Variants in SPIDR observed in about 807,000 individuals in gnomAD.
SPIDR encodes scaffold protein involved in DNA repair.
Under a neutral mutation model 104.6 loss-of-function variants are expected in SPIDR, and 93 were observed. The observed-to-expected ratio is 0.89, with a 90% CI of 0.75 to 1.06. The LOEUF is 1.06. SPIDR is among the 50% of genes least tolerant of loss of function. The pLI is 0.00. For synonymous variants in SPIDR, 431 were observed against 416.9 expected (o/e 1.03, Z -0.41); for missense variants, 1,154 against 1,111.2 (o/e 1.04, Z -0.55).
chr8:47,380,249 G>C (rs1554644681), intron 5 of SPIDR, among the ~76,000 whole-genome samples: 1 of 152,212 alleles, frequency 6.6e-6, no homozygotes, highest in Non-Finnish European at 1.5e-5. Flanking sequence ...CCTTGCAGCA[G>C]CTCAGGACTC....
chr8:47,486,664 C>G (rs1483352507), intron 8 of SPIDR, among the ~76,000 whole-genome samples: 1 of 152,184 alleles, frequency 6.6e-6, no homozygotes, highest in Non-Finnish European at 1.5e-5. Context: ...GGCAGACACT[C>G]CGCAAGCCAG....
chr8:47,270,172 A>G (rs1005997720), intron 1 of SPIDR, among the ~76,000 whole-genome samples: 6 of 152,272 alleles, frequency 3.9e-5, no homozygotes, highest in East Asian at 1.9e-4. Context: ...ATTAGGAAGT[A>G]TTTCCTCTTC....
chr8:47,728,826 G>A lies in SPIDR; in HGVS notation c.2436-107G>A, dbSNP rs145680112. ...AACTTGATTCTGAGAGTAAAGCCCC[G>A]TTTTCTAGCTCAGCAGACACTCATG... On this transcript the variant is annotated intron_variant, in intron 17 of 19. Transcript: ENST00000297423. The A allele has an allele frequency of 1.6e-5, 21 of 1,349,166 alleles. No individual in the cohort carries two copies. In the East Asian group the frequency reaches 1.9e-4, roughly 12 times the overall value. The allele number at this position is 1,349,166 out of a possible 1,614,324, so 83.6% of individuals were successfully genotyped here. A position where few individuals can be genotyped will look rare whatever the true frequency, so the allele number is the denominator to read the frequency against.
In SPIDR at chr8:47,486,321, C is replaced by G. The variant is rs148405041; in HGVS notation, c.1097+45779C>G. On this transcript the variant is annotated intron_variant, in intron 8 of 19. Coordinates refer to ENST00000297423, the MANE Select transcript of SPIDR (RefSeq NM_001080394.4). Reference sequence around the variant, plus strand: ...TTAGAGAAAAAAGAGCAAAAAGAAGCAAACAAAGCCTCCAAGAAATATGGG... The same window carrying G: ...TTAGAGAAAAAAGAGCAAAAAGAAGGAAACAAAGCCTCCAAGAAATATGGG... Among the ~76,000 whole-genome samples the G allele has an allele frequency of 1.7e-3, 264 of 152,186 alleles. 1 individual carries two copies. The highest frequency in any genetic ancestry group is 6.0e-3 in the African/African-American group (250 of 41,524).
At chr8:47,546,104 G>GT (rs1564289470) in intron 8 of SPIDR, among the ~76,000 whole-genome samples, 1 of 151,992 alleles carries the variant, frequency 6.6e-6, no homozygotes, top group African/African-American at 2.4e-5. Flanking sequence ...TGATACCAGC[G>GT]TAATTCTAGG....
chr8:47,637,700 C>A (rs763744702), intron 10 of SPIDR, among the ~76,000 whole-genome samples: 3 of 152,180 alleles, frequency 2.0e-5, no homozygotes, highest in Non-Finnish European at 4.4e-5. Flanking sequence ...ATGTCGTATC[C>A]AGTGTACACT....
intron 5 of SPIDR, among the ~76,000 whole-genome samples, chr8:47,358,921 G>T (rs534948799): frequency 6.6e-6 from 1 of 152,050 alleles, no homozygotes; most frequent in South Asian, 2.1e-4. Flanking sequence ...AATAACCTGT[G>T]ATCACATAAA....
At chr8:47,606,444 T>C (rs2062957449) in intron 10 of SPIDR, among the ~76,000 whole-genome samples, 1 of 151,778 alleles carries the variant, frequency 6.6e-6, no homozygotes, top group Non-Finnish European at 1.5e-5. Context: ...GAGAATGGCG[T>C]GAACCCAGGA....
rs1168027782 is a variant in SPIDR, at chr8:47,321,438, TAAAAG to T, written c.525+27410_525+27414del. On this transcript the variant is annotated intron_variant, in intron 5 of 19. Transcript: ENST00000297423. ...AACTACAAACCACTGCTCAATGAAA[TAAAAG>T]AGGATACAAACAAACAGAAGAACAT... Among the ~76,000 whole-genome samples the T allele has an allele frequency of 3.9e-5, 6 of 152,020 alleles. No homozygotes were observed. The East Asian group carries it at 1.2e-3, about 29-fold the overall frequency.
Position 47,360,862 on chromosome 8 carries a change from A to G in SPIDR, c.526-35514A>G, listed in dbSNP as rs1437828425. 4 of 985,294 alleles carry G rather than the reference A, an allele frequency of 4.1e-6. No individual in the cohort carries two copies. The East Asian group carries it at 4.5e-4, about 112-fold the overall frequency. 61.0% of individuals were successfully genotyped at this position (985,294 alleles called of 1,614,324 possible). A position where few individuals can be genotyped will look rare whatever the true frequency, so the allele number is the denominator to read the frequency against. Reference sequence around the variant, plus strand: ...GTGGTGTTTTCAGCCTTCTTCTTGGACGTGCTGGACCACAGACACTGCTTT... The same window carrying G: ...GTGGTGTTTTCAGCCTTCTTCTTGGGCGTGCTGGACCACAGACACTGCTTT... On this transcript the variant is annotated intron_variant, in intron 5 of 19. Coordinates refer to ENST00000297423, the MANE Select transcript of SPIDR (RefSeq NM_001080394.4).
chr8:47,386,190 GAATATC>G, intron 5 of SPIDR, among the ~76,000 whole-genome samples: 1 of 152,046 alleles, frequency 6.6e-6, no homozygotes, highest in East Asian at 1.9e-4. Flanking sequence ...TATACTTCAG[GAATATC>G]AATCATTGGA....
intron 5 of SPIDR, among the ~76,000 whole-genome samples, chr8:47,320,425 A>G (rs901223777): frequency 3.9e-5 from 6 of 152,192 alleles, no homozygotes; most frequent in African/African-American, 1.2e-4. Flanking sequence ...GAACGGACCA[A>G]TAACAGGCTC....
intron 19 of SPIDR, chr8:47,732,020 G>A: frequency 4.6e-6 from 3 of 649,264 alleles, no homozygotes; most frequent in Non-Finnish European, 8.3e-6. Context: ...TACTCAGAAG[G>A]GTGGGACGGT....
chr8:47,313,335 C>CA (rs2044601927), intron 5 of SPIDR, among the ~76,000 whole-genome samples: 1 of 152,124 alleles, frequency 6.6e-6, no homozygotes, highest in Admixed American at 6.6e-5. Flanking sequence ...AATAAAATAC[C>CA]TAGGAATCCA....
chr8:47,703,283 C>T (rs765849155), intron 14 of SPIDR, among the ~76,000 whole-genome samples: 2 of 152,194 alleles, frequency 1.3e-5, no homozygotes, highest in Non-Finnish European at 2.9e-5. Flanking sequence ...CTTTGCATTT[C>T]TCTGATCATT....
At chr8:47,269,385 G>A (rs2034794120) in intron 1 of SPIDR, among the ~76,000 whole-genome samples, 1 of 151,762 alleles carries the variant, frequency 6.6e-6, no homozygotes, top group Non-Finnish European at 1.5e-5. Flanking sequence ...AGCCTCCTGA[G>A]TAGTTGGGAT....
chr8:47,427,921 CTTTTTTT>C (rs1413642939), intron 7 of SPIDR, among the ~76,000 whole-genome samples: 1 of 151,970 alleles, frequency 6.6e-6, no homozygotes, highest in Non-Finnish European at 1.5e-5. Context: ...TTTCTTTTTT[CTTTTTTT>C]CTTTTTGTTT....
intron 5 of SPIDR, among the ~76,000 whole-genome samples, chr8:47,324,534 T>G (rs2047337167): frequency 6.6e-6 from 1 of 152,244 alleles, no homozygotes; most frequent in African/African-American, 2.4e-5. Flanking sequence ...CAAAACCTTA[T>G]AAGATGTTTT....
chr8:47,342,417 G>T (rs1295818521), intron 5 of SPIDR, among the ~76,000 whole-genome samples: 2 of 135,960 alleles, frequency 1.5e-5, no homozygotes, highest in Non-Finnish European at 3.1e-5. Flanking sequence ...GCCCACTGCA[G>T]CCTCCGCCTC....
Sources: gnomAD v4.1 joint callset for allele counts (sites outside exome capture counted in the v4.1 genomes callset) on GRCh38, gnomAD v4.1.1 for gene constraint, MANE v1.5 for transcripts, NCBI Gene and HGNC (gene_info 2026-07-23, HGNC 2026-07-21) for gene names.